VXN: variants seen among roughly 807,000 people sequenced by gnomAD.
VXN encodes vexin.
VXN carries 7 observed loss-of-function variants against 23.1 expected under a neutral mutation model. That is an observed-to-expected ratio of 0.30 (90% confidence interval 0.17 to 0.57). The LOEUF is 0.57. VXN is among the 20% of genes least tolerant of loss of function. The pLI, the probability that VXN is intolerant of heterozygous loss-of-function variation, is 0.91. For missense variants in VXN, 238 were observed against 272.6 expected, an observed-to-expected ratio of 0.87 and a Z score of 0.89; for synonymous variants, 120 against 105.8, an observed-to-expected ratio of 1.13 and a Z score of -0.83.
At chr8:66,515,493 C>G (rs1033259937) in intron 5 of VXN, among the ~76,000 whole-genome samples, 29 of 152,226 alleles carry the variant, frequency 1.9e-4, no homozygotes, top group African/African-American at 7.0e-4. Context: ...TGAGGTCACA[C>G]AGCAGATGGG....
chr8:66,503,783 A>G (rs988464477), intron 2 of VXN, among the ~76,000 whole-genome samples: 8 of 152,198 alleles, frequency 5.3e-5, no homozygotes, highest in African/African-American at 1.9e-4. Flanking sequence ...AGTCCAGAAA[A>G]TAAACCAGGC....
At chr8:66,506,229 GACA>G (rs1563507596) in intron 3 of VXN, among the ~76,000 whole-genome samples, 86 of 135,022 alleles carry the variant, frequency 6.4e-4, no homozygotes, top group African/African-American at 2.3e-3. Context: ...GAGAGAGAGA[GACA>G]GTGTGTGTGT....
At chr8:66,501,515 G>A (rs547379532) in intron 2 of VXN, among the ~76,000 whole-genome samples, 8 of 152,200 alleles carry the variant, frequency 5.3e-5, no homozygotes, top group Admixed American at 5.2e-4. Context: ...GGGGTTGTCT[G>A]TGGGTAATTT....
chr8:66,503,291 T>C (rs1807711553), intron 2 of VXN: 1 of 152,214 alleles, frequency 6.6e-6, no homozygotes, highest in Non-Finnish European at 1.5e-5. Context: ...TTTCCCTATG[T>C]ATAAAATTAG....
At chr8:66,503,633 T>G (rs1006179390) in intron 2 of VXN, 1 of 152,232 alleles carries the variant, frequency 6.6e-6, no homozygotes, top group African/African-American at 2.4e-5. Context: ...AACCCTTCTC[T>G]CTCCTCCTCC....
intron 4 of VXN, among the ~76,000 whole-genome samples, chr8:66,511,887 G>A (rs201411384): frequency 9.9e-5 from 15 of 152,168 alleles, no homozygotes; most frequent in East Asian, 5.8e-4. Context: ...CCAACATGGC[G>A]AAACCCCATC....
At chr8:66,509,023 A>G (rs1807791949) in intron 3 of VXN, among the ~76,000 whole-genome samples, 1 of 152,238 alleles carries the variant, frequency 6.6e-6, no homozygotes, top group Admixed American at 6.5e-5. Context: ...GATTGTGGTG[A>G]GGATTAAATG....
At chr8:66,505,568 G>T in intron 3 of VXN, 40 bp downstream of exon 3, 1 of 1,445,338 alleles carries the variant, frequency 6.9e-7, no homozygotes. Context: ...ACCTCCCTGG[G>T]CGCAGAGACC....
In VXN at chr8:66,513,646, T is replaced by C. The variant is rs1807851064; in HGVS notation, c.440+9T>C. ...GCTGTTCTGATGAGAGGGTAAGTGC[T>C]GCGTCTCTGGCCCCACTGCCTGTGG... On this transcript the variant is annotated intron_variant, in intron 5 of 5. Transcript: ENST00000305454. 14 of 1,611,070 alleles carry C rather than the reference T, an allele frequency of 8.7e-6. No homozygotes were observed. Among genetic ancestry groups the C allele is most frequent in the Non-Finnish European group, 1.2e-5 (14 of 1,177,374 alleles).
chr8:66,510,412 T>C, intron 4 of VXN: 1 of 432,078 alleles, frequency 2.3e-6, no homozygotes, highest in Admixed American at 4.1e-5. Context: ...GAAGCTATTA[T>C]CCAATAGACA....
chr8:66,496,323 C>G, intron 1 of VXN, 114 bp from the exon 2 acceptor site: 2 of 935,196 alleles, frequency 2.1e-6, no homozygotes, highest in East Asian at 2.4e-5. Flanking sequence ...TTTCCCGTCC[C>G]CTCCTCTATG....
At chr8:66,494,170 T>C (rs1280573601) in intron 1 of VXN, among the ~76,000 whole-genome samples, 1 of 152,102 alleles carries the variant, frequency 6.6e-6, no homozygotes, top group Non-Finnish European at 1.5e-5. Context: ...CTGCTTGAAG[T>C]CCAGTGAAGC....
At chr8:66,498,945 C>T (rs1238682489) in intron 2 of VXN, 12 of 359,016 alleles carry the variant, frequency 3.3e-5, no homozygotes, top group Non-Finnish European at 6.3e-5. Context: ...GTCAAATGGC[C>T]TGGGTTTAAA....
intron 3 of VXN, among the ~76,000 whole-genome samples, chr8:66,506,232 A>AGAGAGTGT (rs1554570603): frequency 7.1e-6 from 1 of 140,338 alleles, no homozygotes; most frequent in South Asian, 2.4e-4. Flanking sequence ...AGAGAGAGAC[A>AGAGAGTGT]GTGTGTGTGT....
At chr8:66,496,331 A>T in intron 1 of VXN, 106 bp from the exon 2 acceptor site, 1 of 1,038,342 alleles carries the variant, frequency 9.6e-7, no homozygotes, top group Non-Finnish European at 1.5e-6. Flanking sequence ...CCCCTCCTCT[A>T]TGCCCCTGCC....
At chr8:66,507,147 A>G (rs930859020) in intron 3 of VXN, among the ~76,000 whole-genome samples, 5 of 152,320 alleles carry the variant, frequency 3.3e-5, no homozygotes, top group South Asian at 4.1e-4. Context: ...GGCACAACAT[A>G]TTGAGCAGCA....
intron 2 of VXN, among the ~76,000 whole-genome samples, chr8:66,501,469 G>T (rs1807691428): frequency 6.6e-6 from 1 of 152,178 alleles, no homozygotes; most frequent in Non-Finnish European, 1.5e-5. Context: ...CTTTCAAGGA[G>T]CAATGGGTGA....
intron 1 of VXN, among the ~76,000 whole-genome samples, chr8:66,495,846 C>T (rs1807619594): frequency 6.6e-6 from 1 of 152,146 alleles, no homozygotes; most frequent in East Asian, 1.9e-4. Flanking sequence ...CAACCATCAC[C>T]CCCATCCATC....
In VXN at chr8:66,506,910, AGGTG is replaced by A. The variant is rs967710235; in HGVS notation, c.280+1403_280+1406del. On this transcript the variant is annotated intron_variant, in intron 3 of 5. Coordinates refer to ENST00000305454, the MANE Select transcript of VXN (RefSeq NM_152765.4). ...TAGATTTTTCTCTGTGTCTATATAT[AGGTG>A]GGTGGGTGGGTGGGTGGGTGCATGT... Among the ~76,000 whole-genome samples the A allele has an allele frequency of 8.8e-3, 24 of 2,712 alleles. No homozygotes were observed. In the East Asian group the frequency reaches 0.12, roughly 13 times the overall value. The allele number at this position is 2,712 out of a possible 152,430, so 1.8% of individuals were successfully genotyped here.
Sources: allele counts gnomAD v4.1 joint callset (sites outside exome capture counted in the v4.1 genomes callset), GRCh38; gene constraint gnomAD v4.1.1; transcripts MANE v1.5; gene names NCBI Gene and HGNC (gene_info 2026-07-23, HGNC 2026-07-21).